SUZ12: variants seen among roughly 807,000 people sequenced by gnomAD.
The protein encoded by SUZ12 is SUZ12 polycomb repressive complex 2 subunit.
In SUZ12, 17 loss-of-function variants were observed where a neutral mutation model predicts 87.3. The observed-to-expected ratio is 0.19, with a 90% CI of 0.13 to 0.29. SUZ12 has a LOEUF of 0.29. Ranked by LOEUF, SUZ12 falls within the 10% of genes least tolerant of loss-of-function variation. The pLI, the probability that SUZ12 is intolerant of heterozygous loss-of-function variation, is 1.00. For synonymous variants in SUZ12, 253 were observed against 312.4 expected, an observed-to-expected ratio of 0.81 and a Z score of 2.01; for missense variants, 526 against 912.2, an observed-to-expected ratio of 0.58 and a Z score of 5.45.
intron 1 of SUZ12, among the ~76,000 whole-genome samples, 159 bp from the exon 2 acceptor site, chr17:31,940,127 C>T (rs529827942): frequency 6.6e-6 from 1 of 151,948 alleles, no homozygotes; most frequent in Non-Finnish European, 1.5e-5. Flanking sequence ...TTTGATCTTA[C>T]TGTGCATACT....
chr17:31,962,032 G>C (rs1276479061), intron 4 of SUZ12, among the ~76,000 whole-genome samples: 1 of 152,202 alleles, frequency 6.6e-6, no homozygotes, highest in African/African-American at 2.4e-5. Context: ...CTAAAAAGTG[G>C]TAAATAAGAG....
chr17:31,963,151 TATTA>T (rs1567821793), intron 4 of SUZ12, among the ~76,000 whole-genome samples: 7,008 of 113,054 alleles, frequency 0.062, no homozygotes, highest in African/African-American at 0.22. Flanking sequence ...GATTATTTAT[TATTA>T]TTATTTTTTG....
chr17:31,963,302 G>A (rs1422734701), intron 4 of SUZ12, among the ~76,000 whole-genome samples: 14 of 151,978 alleles, frequency 9.2e-5, no homozygotes, highest in African/African-American at 3.4e-4. Flanking sequence ...ATGCCACAAC[G>A]CCTGGCTAAT....
At chr17:31,939,124 TAGAA>T (rs893599048) in intron 1 of SUZ12, among the ~76,000 whole-genome samples, 13 of 152,344 alleles carry the variant, frequency 8.5e-5, no homozygotes, top group East Asian at 3.9e-4. Context: ...TTTTAAGCGT[TAGAA>T]AGACTGTTTT....
chr17:31,990,914 A>C (rs980853162), intron 10 of SUZ12, among the ~76,000 whole-genome samples: 2 of 151,804 alleles, frequency 1.3e-5, no homozygotes, highest in African/African-American at 4.8e-5. Context: ...CGCCCTGTTA[A>C]TTTTTGTATT....
intron 13 of SUZ12, 130 bp downstream of exon 13, chr17:31,994,851 G>T: frequency 1.0e-6 from 1 of 971,802 alleles, no homozygotes; most frequent in South Asian, 2.0e-5. Context: ...GGTGTCTATG[G>T]GGTTGTTAAC....
At chr17:31,997,294 T>G (rs2142219969) in intron 15 of SUZ12, among the ~76,000 whole-genome samples, 1 of 152,270 alleles carries the variant, frequency 6.6e-6, no homozygotes, top group African/African-American at 2.4e-5. Flanking sequence ...AAATCACTGG[T>G]GCCCATCCTA....
At position 31,937,098 on chromosome 17, in the gene SUZ12, T is replaced by G. The variant is rs1905969478; in HGVS notation, c.-149T>G. On this transcript the variant is annotated 5_prime_UTR_variant, in exon 1 of 16. Coordinates refer to ENST00000322652, the MANE Select transcript of SUZ12 (RefSeq NM_015355.4). ...TTTCCTCCCTCCTTCCCTCCTCTCC[T>G]CCTCCCTTCCCTTCCCCTCTCCTCC... 1.6e-6 allele frequency: 1 copy of G among 641,894 alleles called. No homozygotes were observed. The highest frequency in any genetic ancestry group is 1.9e-5 in the African/African-American group (1 of 51,842). 39.8% of individuals were successfully genotyped at this position (641,894 alleles called of 1,614,324 possible). A position where few individuals can be genotyped will look rare whatever the true frequency, so the allele number is the denominator to read the frequency against.
At position 31,988,364 on chromosome 17, in the gene SUZ12, G is replaced by A; in HGVS notation, c.1068G>A (p.Gln356=). ...FETFSQGPTL[Q]FTLRWTGETN... is the part of the protein sequence containing the mutation. ...CATTTTCTCAGGGACCTACGTTGCA[G>A]TTCACTCTTCGTTGGACAGGAGAGA... The change falls in exon 10 of 16, where the codon CAG becomes CAA. Residue 356 remains glutamine, a synonymous_variant. Coordinates refer to ENST00000322652, the MANE Select transcript of SUZ12 (RefSeq NM_015355.4). 1 of 1,604,846 alleles carries A rather than the reference G, an allele frequency of 6.2e-7. No individual in the cohort carries two copies. Among genetic ancestry groups the A allele is most frequent in the Non-Finnish European group, 8.5e-7 (1 of 1,177,090 alleles).
intron 10 of SUZ12, among the ~76,000 whole-genome samples, chr17:31,992,687 G>A (rs972379087): frequency 1.3e-5 from 2 of 152,072 alleles, no homozygotes; most frequent in Non-Finnish European, 2.9e-5. Flanking sequence ...TGGGATTACA[G>A]GTGTGAGCCA....
intron 4 of SUZ12, chr17:31,965,629 G>A (rs1908043205): frequency 6.6e-6 from 1 of 152,268 alleles, no homozygotes; most frequent in Admixed American, 6.5e-5. Flanking sequence ...CATTTATTGG[G>A]AAGGTTGAAT....
In SUZ12 at chr17:31,944,337, A is replaced by G. The variant is rs183672180; in HGVS notation, c.387-3280A>G. Among the ~76,000 whole-genome samples, 243 of 152,200 alleles carry G rather than the reference A, an allele frequency of 1.6e-3. 1 individual carries two copies. The highest frequency in any genetic ancestry group is 0.01 in the Middle Eastern group (3 of 294). On this transcript the variant is annotated intron_variant, in intron 3 of 15. Coordinates refer to ENST00000322652, the MANE Select transcript of SUZ12 (RefSeq NM_015355.4). Reference sequence around the variant, plus strand: ...GAGATGGGGTTTCTCCATGTTGGTCAGGCTGGTCTCGAACTCCCGACCTCA... The same window carrying G: ...GAGATGGGGTTTCTCCATGTTGGTCGGGCTGGTCTCGAACTCCCGACCTCA...
Position 31,999,558 on chromosome 17 carries a change from A to C in SUZ12, c.*555A>C, listed in dbSNP as rs1910153073. ...ATCATTTGTCAATTCGGAATGAAAA[A>C]TTATAATGTAATTTTACATTACATA... On this transcript the variant is annotated 3_prime_UTR_variant, in exon 16 of 16. Coordinates refer to ENST00000322652, the MANE Select transcript of SUZ12 (RefSeq NM_015355.4). 2 of 231,156 alleles carry C rather than the reference A, an allele frequency of 8.7e-6. No individual in the cohort carries two copies. Among genetic ancestry groups the C allele is most frequent in the South Asian group, 3.6e-4 (2 of 5,522 alleles). 14.3% of individuals were successfully genotyped at this position (231,156 alleles called of 1,614,324 possible). A position where few individuals can be genotyped will look rare whatever the true frequency, so the allele number is the denominator to read the frequency against.
chr17:31,961,332 A>G (rs542855698), intron 4 of SUZ12, among the ~76,000 whole-genome samples: 1 of 152,276 alleles, frequency 6.6e-6, no homozygotes, highest in South Asian at 2.1e-4. Context: ...GGATCACCTG[A>G]GGTCAGGAGT....
intron 9 of SUZ12, among the ~76,000 whole-genome samples, chr17:31,985,158 C>CAAA (rs34227080): frequency 2.5e-4 from 18 of 72,836 alleles, no homozygotes; most frequent in African/African-American, 4.7e-4. Flanking sequence ...GACTCTGTCT[C>CAAA]AAAAAAAAAA....
intron 4 of SUZ12, among the ~76,000 whole-genome samples, chr17:31,963,494 T>TTTTTG (rs1296967923): frequency 1.4e-5 from 2 of 146,066 alleles, no homozygotes. Context: ...TTAGGTATTT[T>TTTTTG]TTTTGTTTTG....
At chr17:31,965,237 G>T (rs1908018374) in intron 4 of SUZ12, among the ~76,000 whole-genome samples, 1 of 152,042 alleles carries the variant, frequency 6.6e-6, no homozygotes, top group Non-Finnish European at 1.5e-5. Context: ...GATCAGTACT[G>T]CTTTCCTTTC....
rs1908693149 is a variant in SUZ12, at chr17:31,975,568, T to C, written c.678T>C (p.Asn226=). The change falls in exon 7 of 16, where the codon AAT becomes AAC. Residue 226 remains asparagine, a synonymous_variant. Transcript: ENST00000322652. ...NPDLNQTKPG[N]FPSLAVSSNE... ...ACCTCAATCAAACAAAACCCGGAAA[T>C]TTCCCGTCCCTTGCAGTTTCCAGTA... The C allele has an allele frequency of 6.2e-7, 1 of 1,613,782 alleles. No homozygotes were observed. The highest frequency in any genetic ancestry group is 8.5e-7 in the Non-Finnish European group (1 of 1,179,850).
In SUZ12 at chr17:31,997,648, A is replaced by G. The variant is rs192023064; in HGVS notation, c.1874+771A>G. 7.0e-4 allele frequency among the ~76,000 whole-genome samples: 100 copies of G among 142,254 alleles called. No individual in the cohort carries two copies. In the East Asian group the frequency reaches 0.018, roughly 26 times the overall value. The allele number at this position is 142,254 out of a possible 152,430, so 93.3% of individuals were successfully genotyped here. A position where few individuals can be genotyped will look rare whatever the true frequency, so the allele number is the denominator to read the frequency against. On this transcript the variant is annotated intron_variant, in intron 15 of 15. Coordinates refer to ENST00000322652, the MANE Select transcript of SUZ12 (RefSeq NM_015355.4). ...ACCACTGCACTCCAGCCTGGGCAAC[A>G]GAGTGAGACCCTATCTCCAAAAAAA...
Sources: allele counts gnomAD v4.1 joint callset (sites outside exome capture counted in the v4.1 genomes callset), GRCh38; gene constraint gnomAD v4.1.1; transcripts MANE v1.5; gene names NCBI Gene and HGNC (gene_info 2026-07-23, HGNC 2026-07-21).